The following NKAIN2 variants were observed in gnomAD, a reference collection of about 807,000 sequenced individuals.
NKAIN2 encodes the protein sodium/potassium transporting ATPase interacting 2.
NKAIN2 carries 14 observed loss-of-function variants against 32.6 expected under a neutral mutation model. The observed-to-expected ratio is 0.43, with a 90% CI of 0.28 to 0.67. The LOEUF (loss-of-function observed/expected upper bound fraction) is 0.67. NKAIN2 is among the 30% of genes least tolerant of loss of function. The pLI is 0.17. For synonymous variants in NKAIN2, 80 were observed against 87.2 expected (o/e 0.92, Z 0.46); for missense variants, 198 against 258.3 (o/e 0.77, Z 1.60).
intron 3 of NKAIN2, among the ~76,000 whole-genome samples, chr6:124,624,871 A>G (rs887180411): frequency 3.3e-5 from 5 of 152,224 alleles, no homozygotes; most frequent in African/African-American, 1.2e-4. Context: ...TAAATAAAAA[A>G]TAAAATGCAT....
intron 2 of NKAIN2, among the ~76,000 whole-genome samples, chr6:124,293,326 TG>T (rs1322491780): frequency 1.3e-5 from 2 of 152,074 alleles, no homozygotes; most frequent in Non-Finnish European, 2.9e-5. Flanking sequence ...TTCTTTTTTT[TG>T]ATTGCTATAT....
intron 1 of NKAIN2, among the ~76,000 whole-genome samples, chr6:124,140,813 A>T (rs1274764543): frequency 1.3e-5 from 2 of 152,198 alleles, no homozygotes; most frequent in Non-Finnish European, 2.9e-5. Flanking sequence ...CTTTTGTTTC[A>T]TTCTGCAACA....
In NKAIN2 at chr6:124,072,005, C is replaced by T. The variant is rs537715503; in HGVS notation, c.55-211000C>T. Reference sequence around the variant, plus strand: ...ATCCGAAAGAAAATAAATTTTTCTACCAAAATGACACATGCACTCCTATGT... The same window carrying T: ...ATCCGAAAGAAAATAAATTTTTCTATCAAAATGACACATGCACTCCTATGT... On this transcript the variant is annotated intron_variant, in intron 1 of 6. Coordinates refer to ENST00000368417, the MANE Select transcript of NKAIN2 (RefSeq NM_001040214.3). Among the ~76,000 whole-genome samples, 8 of 152,138 alleles carry T rather than the reference C, an allele frequency of 5.3e-5. No individual in the cohort carries two copies. The South Asian group carries it at 1.7e-3, about 32-fold the overall frequency.
At chr6:123,980,337 AT>A (rs1778828413) in intron 1 of NKAIN2, among the ~76,000 whole-genome samples, 1 of 152,202 alleles carries the variant, frequency 6.6e-6, no homozygotes, top group Admixed American at 6.5e-5. Context: ...GTGACAAGTT[AT>A]TTTAATCAAA....
At chr6:123,835,023 G>T (rs1019008668) in intron 1 of NKAIN2, among the ~76,000 whole-genome samples, 4 of 152,002 alleles carry the variant, frequency 2.6e-5, no homozygotes, top group Admixed American at 6.6e-5. Context: ...TTAGTCTTTT[G>T]TTTTCTTGTA....
Position 124,481,482 on chromosome 6 carries a change from AAAAAAATG to A in NKAIN2, c.273+126136_273+126143del, listed in dbSNP as rs565856415. ...ATCACTGTCTGTCATTATCAATAGA[AAAAAAATG>A]TGATTCACTTTAATCTATGACAGTA... On this transcript the variant is annotated intron_variant, in intron 3 of 6. Coordinates refer to ENST00000368417, the MANE Select transcript of NKAIN2 (RefSeq NM_001040214.3). 2.6e-3 allele frequency among the ~76,000 whole-genome samples: 402 copies of A among 152,174 alleles called. 1 individual carries two copies. Among genetic ancestry groups the A allele is most frequent in the Non-Finnish European group, 4.5e-3 (306 of 67,968 alleles).
At chr6:124,616,262 T>A (rs556128920) in intron 3 of NKAIN2, among the ~76,000 whole-genome samples, 1 of 152,198 alleles carries the variant, frequency 6.6e-6, no homozygotes, top group Admixed American at 6.5e-5. Flanking sequence ...GCCTTCAGGC[T>A]TTTTGCATTT....
chr6:124,795,718 G>A (rs190929632), intron 5 of NKAIN2, among the ~76,000 whole-genome samples: 1 of 152,218 alleles, frequency 6.6e-6, no homozygotes, highest in African/African-American at 2.4e-5. Context: ...CTTGCTCATA[G>A]GTGATACCTT....
chr6:124,712,098 C>A (rs926468580), intron 4 of NKAIN2, among the ~76,000 whole-genome samples: 1 of 151,440 alleles, frequency 6.6e-6, no homozygotes, highest in Non-Finnish European at 1.5e-5. Context: ...CAGTGTGCCC[C>A]TGCTGGGGGG....
At chr6:124,214,145 A>T (rs547798594) in intron 1 of NKAIN2, among the ~76,000 whole-genome samples, 1 of 152,324 alleles carries the variant, frequency 6.6e-6, no homozygotes, top group East Asian at 1.9e-4. Context: ...CACATATTGT[A>T]AATATTCTCA....
chr6:124,673,858 C>T (rs1583622550), intron 4 of NKAIN2, among the ~76,000 whole-genome samples: 1 of 151,700 alleles, frequency 6.6e-6, no homozygotes, highest in Non-Finnish European at 1.5e-5. Flanking sequence ...TTTATTATTT[C>T]CTTTGCTGTG....
At chr6:124,603,347 G>A (rs1342817479) in intron 3 of NKAIN2, among the ~76,000 whole-genome samples, 1 of 151,804 alleles carries the variant, frequency 6.6e-6, no homozygotes, top group Non-Finnish European at 1.5e-5. Context: ...AAATGGTTTT[G>A]TTGATATTCA....
intron 1 of NKAIN2, among the ~76,000 whole-genome samples, chr6:124,058,597 A>G (rs9320974): frequency 0.37 from 55,617 of 151,894 alleles, 11,048 homozygotes; most frequent in Non-Finnish European, 0.46. Context: ...TGTTACTTAT[A>G]ATAGTCAACA....
intron 1 of NKAIN2, among the ~76,000 whole-genome samples, chr6:124,017,037 G>A (rs1780605274): frequency 1.3e-5 from 2 of 152,168 alleles, no homozygotes; most frequent in African/African-American, 2.4e-5. Flanking sequence ...AGACTAGGCA[G>A]TTTATAAAGG....
chr6:124,203,348 G>A (rs1200413000), intron 1 of NKAIN2, among the ~76,000 whole-genome samples: 2 of 151,752 alleles, frequency 1.3e-5, no homozygotes, highest in Non-Finnish European at 1.5e-5. Flanking sequence ...TGAGATAGCT[G>A]TATTAAAACT....
chr6:124,809,845 A>G (rs555927360), intron 5 of NKAIN2, among the ~76,000 whole-genome samples: 1 of 152,308 alleles, frequency 6.6e-6, no homozygotes, highest in South Asian at 2.1e-4. Context: ...ACACTTCTCA[A>G]AAGAAGACAT....
At chr6:124,451,218 T>C (rs2114621377) in intron 3 of NKAIN2, among the ~76,000 whole-genome samples, 1 of 152,296 alleles carries the variant, frequency 6.6e-6, no homozygotes, top group East Asian at 1.9e-4. Context: ...CATTTTACTT[T>C]AGGCCCATTG....
At chr6:124,391,071 T>C (rs904149610) in intron 3 of NKAIN2, 3 of 152,158 alleles carry the variant, frequency 2.0e-5, no homozygotes, top group Admixed American at 6.6e-5. Context: ...CTGGTTTCCA[T>C]GAGATGAATA....
chr6:124,508,319 A>G (rs1215234541), intron 3 of NKAIN2, among the ~76,000 whole-genome samples: 7 of 151,128 alleles, frequency 4.6e-5, no homozygotes, highest in Non-Finnish European at 8.9e-5. Context: ...AGAAAATGAA[A>G]TGAGCTTGTA....
Sources: gnomAD v4.1 joint callset for allele counts (sites outside exome capture counted in the v4.1 genomes callset) on GRCh38, gnomAD v4.1.1 for gene constraint, MANE v1.5 for transcripts, NCBI Gene and HGNC (gene_info 2026-07-23, HGNC 2026-07-21) for gene names.